CPS1: variants seen among roughly 807,000 people sequenced by gnomAD.
CPS1 encodes the protein carbamoyl-phosphate synthase [ammonia], mitochondrial.
CPS1 carries 109 observed loss-of-function variants against 174.6 expected under a neutral mutation model. The ratio of observed to expected loss-of-function variants is 0.62; its 90% CI spans 0.53 to 0.73. The LOEUF (loss-of-function observed/expected upper bound fraction) is 0.73, where lower values mean the gene tolerates loss of function less well. Among genes scored for constraint, CPS1 ranks in the 30% least tolerant of loss-of-function variants. CPS1 has a pLI of 0.00. For synonymous variants in CPS1, 637 were observed against 632.0 expected, an observed-to-expected ratio of 1.01 and a Z score of -0.12; for missense variants, 1,689 against 1,821.9, an observed-to-expected ratio of 0.93 and a Z score of 1.33.
intron 1 of CPS1, among the ~76,000 whole-genome samples, chr2:210,483,668 T>C (rs1226796392): frequency 1.3e-5 from 2 of 152,178 alleles, no homozygotes; most frequent in Non-Finnish European, 2.9e-5. Flanking sequence ...AATTCCTAAT[T>C]TACTCTCTCT....
intron 1 of CPS1, among the ~76,000 whole-genome samples, chr2:210,480,592 A>T (rs1465791640): frequency 1.3e-5 from 2 of 152,154 alleles, no homozygotes; most frequent in African/African-American, 4.8e-5. Flanking sequence ...TTGGGGTAAA[A>T]GAGAGATCTT....
At chr2:210,518,096 C>T (rs943600341) in intron 1 of CPS1, among the ~76,000 whole-genome samples, 1 of 151,768 alleles carries the variant, frequency 6.6e-6, no homozygotes, top group Non-Finnish European at 1.5e-5. Context: ...GTCATGATGC[C>T]CTGACATTTT....
At chr2:210,480,703 G>T (rs1457742368) in intron 1 of CPS1, among the ~76,000 whole-genome samples, 1 of 152,070 alleles carries the variant, frequency 6.6e-6, no homozygotes, top group Non-Finnish European at 1.5e-5. Context: ...CAAGCAAATG[G>T]TTTTTACTTT....
intron 1 of CPS1, among the ~76,000 whole-genome samples, chr2:210,571,850 A>G (rs1435104488): frequency 7.1e-6 from 1 of 141,076 alleles, no homozygotes; most frequent in Non-Finnish European, 1.5e-5. Context: ...GCTGCCTACT[A>G]AAGTTTGTGT....
At chr2:210,668,917 C>A (rs568389732) in intron 34 of CPS1, among the ~76,000 whole-genome samples, 52 of 152,286 alleles carry the variant, frequency 3.4e-4, no homozygotes, top group African/African-American at 1.2e-3. Flanking sequence ...ACATTTCAAT[C>A]ACTTCTAAAT....
At chr2:210,600,191 C>A (rs1698665345) in intron 14 of CPS1, among the ~76,000 whole-genome samples, 1 of 150,944 alleles carries the variant, frequency 6.6e-6, no homozygotes, top group Non-Finnish European at 1.5e-5. Context: ...AATTTTTTAG[C>A]CCAGGTAGGT....
At chr2:210,553,866 G>A (rs1264679363), upstream of CPS1, among the ~76,000 whole-genome samples, 1 of 151,272 alleles carries the variant, frequency 6.6e-6, no homozygotes, top group Non-Finnish European at 1.5e-5. Flanking sequence ...TTCCAGTTTG[G>A]TTATAGATTT....
In CPS1 at chr2:210,674,471, CA is replaced by C. The variant is rs66758310; in HGVS notation, c.4102-420del. On this transcript the variant is annotated intron_variant, in intron 34 of 37. Coordinates refer to ENST00000233072, the MANE Select transcript of CPS1 (RefSeq NM_001875.5). Reference sequence around the variant, plus strand: ...GCAACAAGAGCAAAAAACCCCATCTCAAAAAAAAAAACCAAAAAAAAAAAAA... The same window carrying C: ...GCAACAAGAGCAAAAAACCCCATCTCAAAAAAAAAACCAAAAAAAAAAAAA... The C allele has an allele frequency of 0.046, 3,654 of 78,692 alleles. 146 individuals carry two copies. Among genetic ancestry groups the C allele is most frequent in the African/African-American group, 0.16 (3,177 of 20,224 alleles). The allele number at this position is 78,692 out of a possible 1,614,324, so 4.9% of individuals were successfully genotyped here.
In CPS1 at chr2:210,606,718, C is replaced by G; in HGVS notation, c.1982-13C>G. On this transcript the variant is annotated splice_polypyrimidine_tract_variant and intron_variant, in intron 17 of 37. Coordinates refer to ENST00000233072, the MANE Select transcript of CPS1 (RefSeq NM_001875.5). Reference sequence around the variant, plus strand: ...ATATGCCACCAAGTAATGAGTGCTTCTTGGATATATAGGTGACTCAGTTGT... The same window carrying G: ...ATATGCCACCAAGTAATGAGTGCTTGTTGGATATATAGGTGACTCAGTTGT... 6.2e-7 allele frequency: 1 copy of G among 1,611,530 alleles called. No homozygotes were observed. Among genetic ancestry groups the G allele is most frequent in the Non-Finnish European group, 8.5e-7 (1 of 1,178,254 alleles).
intron 1 of CPS1, among the ~76,000 whole-genome samples, chr2:210,569,080 G>A (rs1697395344): frequency 1.3e-5 from 2 of 151,990 alleles, no homozygotes; most frequent in Admixed American, 1.3e-4. Flanking sequence ...TGTGAACAAA[G>A]CTTAGTGACT....
intron 1 of CPS1, among the ~76,000 whole-genome samples, chr2:210,566,482 T>C (rs1697307201): frequency 6.6e-6 from 1 of 152,198 alleles, no homozygotes; most frequent in African/African-American, 2.4e-5. Flanking sequence ...TAGTTCTTGG[T>C]TGACCTGGGC....
chr2:210,660,516 C>A lies in CPS1; in HGVS notation c.3788C>A (p.Ser1263Tyr). The change falls in exon 32 of 38, where the codon TCC (serine) becomes TAC (tyrosine). Residue 1263 changes from serine (S) to tyrosine (Y), a missense_variant. Coordinates refer to ENST00000233072, the MANE Select transcript of CPS1 (RefSeq NM_001875.5). The stretch of plus-strand genomic sequence containing the variant: ...GAGTGTAACTTGAGAGCTTCTCGAT[C>A]CTTCCCCTTTGTTTCCAAGACTCTT... ...VIECNLRASRSFPFVSKTLGV... is the reference protein window; with the variant it reads ...VIECNLRASRYFPFVSKTLGV... The A allele has an allele frequency of 8.1e-6, 13 of 1,614,114 alleles. No individual in the cohort carries two copies. The highest frequency in any genetic ancestry group is 1.1e-5 in the Non-Finnish European group (13 of 1,179,982).
At chr2:210,591,738 A>G in intron 9 of CPS1, 93 bp from the exon 10 acceptor site, 1 of 1,383,816 alleles carries the variant, frequency 7.2e-7, no homozygotes, top group Non-Finnish European at 1.0e-6. Flanking sequence ...GAATTTTAAT[A>G]GGCTTTACTT....
At chr2:210,637,037 A>T (rs1324473143) in intron 21 of CPS1, among the ~76,000 whole-genome samples, 1 of 152,196 alleles carries the variant, frequency 6.6e-6, no homozygotes, top group East Asian at 1.9e-4. Flanking sequence ...GGTGAAGATG[A>T]TTCTCAAAGT....
At chr2:210,520,828 A>G (rs1306818203) in intron 1 of CPS1, among the ~76,000 whole-genome samples, 2 of 151,954 alleles carry the variant, frequency 1.3e-5, no homozygotes, top group Admixed American at 6.6e-5. Flanking sequence ...ATGTACTACA[A>G]TGTTTTTTAC....
In CPS1 at chr2:210,556,800, G is replaced by A; in HGVS notation, c.67G>A (p.Val23Met). 6.2e-7 allele frequency: 1 copy of A among 1,613,198 alleles called. No homozygotes were observed. The highest frequency in any genetic ancestry group is 8.5e-7 in the Non-Finnish European group (1 of 1,179,426). ...TLKTGFGFTN[V>M]TAHQKWKFSR... ...GAAGACTGGTTTTGGCTTTACCAAT[G>A]TGACTGCACACCAAAAATGGAAATT... is the stretch of plus-strand genomic sequence containing the variant. Residue 23 changes from valine (V) to methionine (M), a missense_variant, in exon 1 of 38, where the codon GTG (valine) becomes ATG (methionine). Val to Met is a conservative substitution (Grantham distance 21, BLOSUM62 1). Coordinates refer to ENST00000233072, the MANE Select transcript of CPS1 (RefSeq NM_001875.5).
At chr2:210,632,389 C>A (rs527795295) in intron 21 of CPS1, among the ~76,000 whole-genome samples, 2 of 152,190 alleles carry the variant, frequency 1.3e-5, no homozygotes, top group Non-Finnish European at 2.9e-5. Flanking sequence ...CACTGCCCCA[C>A]AACTAATGAA....
chr2:210,512,736 T>TTTTATATA (rs1279555792), intron 1 of CPS1, among the ~76,000 whole-genome samples: 6 of 46,772 alleles, frequency 1.3e-4, no homozygotes, highest in African/African-American at 4.2e-4. Context: ...TCCAGTAGTT[T>TTTTATATA]TATATATATA....
At chr2:210,513,667 T>G (rs1433660115) in intron 1 of CPS1, among the ~76,000 whole-genome samples, 1 of 152,054 alleles carries the variant, frequency 6.6e-6, no homozygotes, top group African/African-American at 2.4e-5. Flanking sequence ...GATAGTTTCT[T>G]CTGCTGTGCA....
Sources: allele counts gnomAD v4.1 joint callset (sites outside exome capture counted in the v4.1 genomes callset), GRCh38; gene constraint gnomAD v4.1.1; transcripts MANE v1.5; gene names NCBI Gene and HGNC (gene_info 2026-07-23, HGNC 2026-07-21).